Variants in NRXN3 observed in about 807,000 individuals in gnomAD.
NRXN3 encodes neurexin 3, also known as neurexin III.
A neutral mutation model predicts 137.6 loss-of-function variants in NRXN3; 32 were observed. That is an observed-to-expected ratio of 0.23 (90% CI 0.18 to 0.31). The LOEUF is 0.31. NRXN3 is among the 10% of genes least tolerant of loss of function. The probability of loss-of-function intolerance (pLI) is 1.00; values close to 1 mark genes in which losing one functional copy is unlikely to be tolerated. For synonymous variants in NRXN3, 798 were observed against 784.5 expected (o/e 1.02, Z -0.29); for missense variants, 1,574 against 2,062.5 (o/e 0.76, Z 4.59).
chr14:78,617,835 A>G (rs2097361399), intron 4 of NRXN3, among the ~76,000 whole-genome samples: 1 of 151,474 alleles, frequency 6.6e-6, no homozygotes, highest in Non-Finnish European at 1.5e-5. Flanking sequence ...AGTTATATCT[A>G]TATCTGTCTA....
At position 78,953,029 on chromosome 14, in the gene NRXN3, A is replaced by G. The variant is rs114016881; in HGVS notation, c.2276-4213A>G. On this transcript the variant is annotated intron_variant, in intron 10 of 20. Coordinates refer to ENST00000335750, the MANE Select transcript of NRXN3 (RefSeq NM_001330195.2). The stretch of plus-strand genomic sequence containing the variant: ...TGACAAACACGTGTATGTCAGGGGT[A>G]ACTTGTAGTCTTGCTGCTTATATTG... Among the ~76,000 whole-genome samples, 692 of 152,348 alleles carry G rather than the reference A, an allele frequency of 4.5e-3. 9 individuals are homozygous for G. The highest frequency in any genetic ancestry group is 0.016 in the African/African-American group (647 of 41,572).
At chr14:79,228,000 G>A (rs946661120) in intron 15 of NRXN3, among the ~76,000 whole-genome samples, 3 of 152,022 alleles carry the variant, frequency 2.0e-5, no homozygotes, top group Middle Eastern at 3.2e-3. Context: ...GATTTAAATA[G>A]GTCAAAGCAA....
intron 2 of NRXN3, among the ~76,000 whole-genome samples, chr14:78,268,501 G>C (rs2072185368): frequency 6.6e-6 from 1 of 152,120 alleles, no homozygotes; most frequent in Non-Finnish European, 1.5e-5. Context: ...CTTTCCAGTG[G>C]TCTCAGCGAG....
rs543608982 is a variant in NRXN3, at chr14:78,947,798, T to C, written c.2276-9444T>C. Among the ~76,000 whole-genome samples, 6 of 152,264 alleles carry C rather than the reference T, an allele frequency of 3.9e-5. No homozygotes were observed. In the East Asian group the frequency reaches 1.2e-3, roughly 29 times the overall value. On this transcript the variant is annotated intron_variant, in intron 10 of 20. Coordinates refer to ENST00000335750, the MANE Select transcript of NRXN3 (RefSeq NM_001330195.2). Reference sequence around the variant, plus strand: ...TGTACTCTGTGGGCTTCATGGACTCTAGGTGGGTATTTAGGTTAATGGGAA... The same window carrying C: ...TGTACTCTGTGGGCTTCATGGACTCCAGGTGGGTATTTAGGTTAATGGGAA...
chr14:79,191,758 T>TATACAGCAGGC (rs2064357677), intron 15 of NRXN3, among the ~76,000 whole-genome samples: 1 of 151,998 alleles, frequency 6.6e-6, no homozygotes, highest in Admixed American at 6.6e-5. Flanking sequence ...ATACAGCAGG[T>TATACAGCAGGC]GATTAAAATA....
chr14:78,868,995 A>G (rs1318951622), intron 10 of NRXN3, among the ~76,000 whole-genome samples: 1 of 152,174 alleles, frequency 6.6e-6, no homozygotes, highest in East Asian at 1.9e-4. Context: ...CATGTGACAG[A>G]TTAGATTCCT....
At chr14:79,142,420 C>A (rs941184459) in intron 15 of NRXN3, among the ~76,000 whole-genome samples, 25 of 149,384 alleles carry the variant, frequency 1.7e-4, no homozygotes, top group Non-Finnish European at 3.1e-4. Flanking sequence ...AGTGAGACTC[C>A]GTTTCAAAAA....
intron 15 of NRXN3, among the ~76,000 whole-genome samples, chr14:79,396,839 G>A (rs1162241470): frequency 1.3e-5 from 2 of 152,126 alleles, no homozygotes; most frequent in Admixed American, 6.6e-5. Context: ...TGACCTTGCA[G>A]AGGAAATCTT....
At chr14:79,151,609 A>G (rs1443648592) in intron 15 of NRXN3, among the ~76,000 whole-genome samples, 1 of 152,024 alleles carries the variant, frequency 6.6e-6, no homozygotes, top group Non-Finnish European at 1.5e-5. Flanking sequence ...CAGCCTAACC[A>G]ATGGCCAGCT....
intron 4 of NRXN3, among the ~76,000 whole-genome samples, chr14:78,361,237 A>G (rs1597768896): frequency 6.6e-6 from 1 of 152,228 alleles, no homozygotes; most frequent in Admixed American, 6.5e-5. Context: ...ATCTCTGGGC[A>G]TGGGTCCTGA....
intron 4 of NRXN3, among the ~76,000 whole-genome samples, chr14:78,528,911 G>A (rs2096419645): frequency 1.3e-5 from 2 of 152,046 alleles, no homozygotes; most frequent in Non-Finnish European, 1.5e-5. Context: ...TGCAAGTGAG[G>A]CACTTCCCTC....
At chr14:78,406,368 G>T (rs561431821) in intron 4 of NRXN3, among the ~76,000 whole-genome samples, 2 of 152,196 alleles carry the variant, frequency 1.3e-5, no homozygotes, top group Non-Finnish European at 2.9e-5. Context: ...GCTGAAGGAT[G>T]ACTGCGGGAG....
At chr14:79,601,624 A>G (rs1297145559) in intron 16 of NRXN3, among the ~76,000 whole-genome samples, 1 of 152,168 alleles carries the variant, frequency 6.6e-6, no homozygotes, top group Non-Finnish European at 1.5e-5. Flanking sequence ...TGTTTTCTGC[A>G]GCAGACTACA....
intron 10 of NRXN3, among the ~76,000 whole-genome samples, chr14:78,831,748 GT>G (rs746249429): frequency 2.6e-5 from 4 of 151,516 alleles, no homozygotes; most frequent in African/African-American, 7.3e-5. Flanking sequence ...ACTATTCACA[GT>G]TTTTTTTAAT....
At chr14:79,288,314 T>C (rs1442045148) in intron 15 of NRXN3, among the ~76,000 whole-genome samples, 2 of 152,230 alleles carry the variant, frequency 1.3e-5, no homozygotes, top group African/African-American at 4.8e-5. Flanking sequence ...GTTTAAAATA[T>C]TCTGCTGTGT....
chr14:79,221,054 T>A (rs2069544142), intron 15 of NRXN3, among the ~76,000 whole-genome samples: 1 of 152,164 alleles, frequency 6.6e-6, no homozygotes. Flanking sequence ...GTTTCCAGCT[T>A]CATCCATGTC....
intron 15 of NRXN3, among the ~76,000 whole-genome samples, chr14:79,409,032 C>A (rs2095365916): frequency 6.6e-6 from 1 of 152,052 alleles, no homozygotes; most frequent in Admixed American, 6.6e-5. Flanking sequence ...ACTTTTCAAC[C>A]AAGTAATTAG....
At chr14:79,735,162 G>A (rs2098937631) in intron 19 of NRXN3, among the ~76,000 whole-genome samples, 1 of 152,142 alleles carries the variant, frequency 6.6e-6, no homozygotes, top group African/African-American at 2.4e-5. Context: ...CTTCCACCCT[G>A]TTATACGGCA....
At chr14:79,826,086 C>T (rs111671585) in intron 20 of NRXN3, among the ~76,000 whole-genome samples, 2,870 of 152,082 alleles carry the variant, frequency 0.019, 40 homozygotes, top group Non-Finnish European at 0.03. Flanking sequence ...ACCTCTGCCT[C>T]CTGGGTTCAA....
Sources: gnomAD v4.1 joint callset for allele counts (sites outside exome capture counted in the v4.1 genomes callset) on GRCh38, gnomAD v4.1.1 for gene constraint, MANE v1.5 for transcripts, NCBI Gene and HGNC (gene_info 2026-07-23, HGNC 2026-07-21) for gene names.